PLAC9: variants seen among roughly 807,000 people sequenced by gnomAD.
PLAC9 encodes placenta-specific protein 9.
In PLAC9, 12 loss-of-function variants were observed where a neutral mutation model predicts 11.5. The observed-to-expected ratio is 1.05, with a 90% CI of 0.67 to 1.69. PLAC9 has a LOEUF of 1.69. Among genes scored for constraint, PLAC9 ranks in the 40% most tolerant of loss-of-function variants. PLAC9 has a pLI of 0.00. For missense variants in PLAC9, 132 were observed against 130.5 expected (o/e 1.01, Z -0.06); for synonymous variants, 62 against 58.1 (o/e 1.07, Z -0.31).
At chr10:80,138,168 G>T (rs1057121238) in intron 1 of PLAC9, among the ~76,000 whole-genome samples, 1 of 152,100 alleles carries the variant, frequency 6.6e-6, no homozygotes, top group Admixed American at 6.5e-5. Context: ...ATCGCTGAAT[G>T]CACCCCCATT....
intron 2 of PLAC9, among the ~76,000 whole-genome samples, chr10:80,142,893 G>A (rs996947208): frequency 6.6e-6 from 1 of 151,818 alleles, no homozygotes; most frequent in Non-Finnish European, 1.5e-5. Flanking sequence ...GCTAATTTCT[G>A]TATTTATTTT....
intron 1 of PLAC9, among the ~76,000 whole-genome samples, chr10:80,133,760 T>C (rs1243841632): frequency 6.6e-6 from 1 of 152,044 alleles, no homozygotes; most frequent in Non-Finnish European, 1.5e-5. Context: ...CTCGCTAACA[T>C]GGTGAAATGC....
intron 2 of PLAC9, among the ~76,000 whole-genome samples, chr10:80,142,953 G>A (rs147528605): frequency 0.025 from 3,863 of 152,186 alleles, 72 homozygotes; most frequent in Non-Finnish European, 0.042. Flanking sequence ...GAACTCCTGA[G>A]CTCAAGCCAT....
At chr10:80,141,846 C>T (rs12266626) in intron 1 of PLAC9, among the ~76,000 whole-genome samples, 4,392 of 152,076 alleles carry the variant, frequency 0.029, 148 homozygotes, top group African/African-American at 0.083. Flanking sequence ...TCCTCCCTTC[C>T]TCCCTGGGCT....
chr10:80,134,176 A>G (rs1307091623), intron 1 of PLAC9, among the ~76,000 whole-genome samples: 2 of 123,306 alleles, frequency 1.6e-5, no homozygotes, highest in African/African-American at 5.9e-5. Context: ...GGGCAGTTTT[A>G]TCTCATCTAT....
intron 1 of PLAC9, among the ~76,000 whole-genome samples, chr10:80,141,491 C>G (rs899473831): frequency 2.6e-5 from 4 of 152,088 alleles, no homozygotes; most frequent in African/African-American, 9.7e-5. Flanking sequence ...CCCAGCTACT[C>G]AGGAGGCTGA....
chr10:80,139,764 T>C (rs1678083184), intron 1 of PLAC9, among the ~76,000 whole-genome samples: 1 of 152,148 alleles, frequency 6.6e-6, no homozygotes, highest in South Asian at 2.1e-4. Context: ...TAAAATTTTT[T>C]TTCTTTTTAG....
chr10:80,135,321 CTT>C (rs139336508), intron 1 of PLAC9, among the ~76,000 whole-genome samples: 693 of 67,334 alleles, frequency 0.01, 4 homozygotes, highest in African/African-American at 0.044. Flanking sequence ...TGCGCCCGGC[CTT>C]TTTTTTTTTT....
At chr10:80,141,586 G>A (rs1261409143) in intron 1 of PLAC9, among the ~76,000 whole-genome samples, 5 of 151,954 alleles carry the variant, frequency 3.3e-5, no homozygotes, top group Admixed American at 1.3e-4. Context: ...GCGACAGAGC[G>A]AGACTCCATC....
intron 1 of PLAC9, among the ~76,000 whole-genome samples, chr10:80,139,818 G>A (rs141647922): frequency 0.01 from 1,589 of 151,704 alleles, 29 homozygotes; most frequent in African/African-American, 0.036. Flanking sequence ...TTGAACTCCT[G>A]GCCTCAAGCG....
intron 1 of PLAC9, among the ~76,000 whole-genome samples, chr10:80,136,632 T>C (rs1325530427): frequency 6.6e-6 from 1 of 150,842 alleles, no homozygotes; most frequent in African/African-American, 2.4e-5. Flanking sequence ...CCACCAATCC[T>C]GGCTAATTTT....
chr10:80,139,693 G>A (rs1442851597), intron 1 of PLAC9, among the ~76,000 whole-genome samples: 1 of 152,164 alleles, frequency 6.6e-6, no homozygotes, highest in Non-Finnish European at 1.5e-5. Flanking sequence ...AAGTGGGGAG[G>A]GGGGTCGTTG....
At position 80,143,389 on chromosome 10, in the gene PLAC9, ATTTTTTTTT is replaced by A. The variant is rs560963413; in HGVS notation, c.163-816_163-808del. ...AAAAAGTTTAATTTTAAATACTTGA[ATTTTTTTTT>A]TTTTTTTTTTTTTTTTTGAGGCAGA... is the stretch of plus-strand genomic sequence containing the variant. On this transcript the variant is annotated intron_variant, in intron 2 of 3. Transcript: ENST00000372263. Among the ~76,000 whole-genome samples the A allele has an allele frequency of 2.4e-3, 214 of 89,944 alleles. 1 individual carries two copies. The highest frequency in any genetic ancestry group is 9.6e-3 in the African/African-American group (191 of 19,968). The allele number at this position is 89,944 out of a possible 152,430, so 59.0% of individuals were successfully genotyped here.
In PLAC9 at chr10:80,145,209, G is replaced by A. The variant is rs1845089741; in HGVS notation, c.*299G>A. ...TCACACAGATGGGGGCCCTTTGAGT[G>A]GCCTTGCTTCTCAAAATGTGGCCAT... is the stretch of plus-strand genomic sequence containing the variant. On this transcript the variant is annotated 3_prime_UTR_variant, in exon 4 of 4. Transcript: ENST00000372263. 2 of 537,204 alleles carry A rather than the reference G, an allele frequency of 3.7e-6. No homozygotes were observed. The highest frequency in any genetic ancestry group is 8.1e-4 in the Middle Eastern group (2 of 2,478). The allele number at this position is 537,204 out of a possible 1,614,324, so 33.3% of individuals were successfully genotyped here.
At chr10:80,140,344 C>G (rs1845026033) in intron 1 of PLAC9, among the ~76,000 whole-genome samples, 1 of 152,172 alleles carries the variant, frequency 6.6e-6, no homozygotes, top group South Asian at 2.1e-4. Context: ...ACCTTCCCTC[C>G]TCATCTCATG....
intron 1 of PLAC9, among the ~76,000 whole-genome samples, chr10:80,135,897 G>T (rs866190405): frequency 1.3e-5 from 2 of 152,194 alleles, no homozygotes; most frequent in Middle Eastern, 3.4e-3. Flanking sequence ...CCCCCAAGTG[G>T]CCAGGGTTGC....
At chr10:80,143,813 T>A (rs1221743803) in intron 2 of PLAC9, among the ~76,000 whole-genome samples, 4 of 152,154 alleles carry the variant, frequency 2.6e-5, no homozygotes, top group Non-Finnish European at 5.9e-5. Flanking sequence ...ACACTGCCAA[T>A]GGGGTCCATG....
chr10:80,132,843 G>A lies in PLAC9; in HGVS notation c.64+17G>A, dbSNP rs1844928831. On this transcript the variant is annotated intron_variant, in intron 1 of 3. Coordinates refer to ENST00000372263, the MANE Select transcript of PLAC9 (RefSeq NM_001012973.3). ...CTTTGGCCGGTGAGTGGGGCGCAGG[G>A]CGCGGCAGGGGACCTGGAGCCGGGG... The A allele has an allele frequency of 1.3e-6, 2 of 1,486,570 alleles. No homozygotes were observed. The highest frequency in any genetic ancestry group is 1.8e-6 in the Non-Finnish European group (2 of 1,125,858). The allele number at this position is 1,486,570 out of a possible 1,614,324, so 92.1% of individuals were successfully genotyped here.
chr10:80,142,879 C>T (rs1845056828), intron 2 of PLAC9, among the ~76,000 whole-genome samples: 1 of 152,024 alleles, frequency 6.6e-6, no homozygotes, highest in Admixed American at 6.6e-5. Context: ...TGCCACCATG[C>T]CTAGCTAATT....
Sources: gnomAD v4.1 joint callset for allele counts (sites outside exome capture counted in the v4.1 genomes callset) on GRCh38, gnomAD v4.1.1 for gene constraint, MANE v1.5 for transcripts, NCBI Gene and HGNC (gene_info 2026-07-23, HGNC 2026-07-21) for gene names.